Variants in AGBL4 observed in about 807,000 individuals in gnomAD.
The protein encoded by AGBL4 is AGBL carboxypeptidase 4.
A neutral mutation model predicts 66.4 loss-of-function variants in AGBL4; 58 were observed. The ratio of observed to expected loss-of-function variants is 0.87; its 90% CI spans 0.71 to 1.09. AGBL4 has a LOEUF of 1.09. Ranked by LOEUF, AGBL4 falls within the 50% of genes least tolerant of loss-of-function variation. The pLI is 0.00. For synonymous variants in AGBL4, 234 were observed against 222.9 expected (o/e 1.05, Z -0.44); for missense variants, 579 against 631.0 (o/e 0.92, Z 0.88).
At chr1:49,088,351 A>G (rs1196436460) in intron 4 of AGBL4, among the ~76,000 whole-genome samples, 1 of 152,186 alleles carries the variant, frequency 6.6e-6, no homozygotes, top group Admixed American at 6.5e-5. Flanking sequence ...CAAAAAACCT[A>G]TCTCATATGC....
rs966438415 is a variant in AGBL4 at position 48,825,737 on chromosome 1, T to C, written c.634+41454A>G. The stretch of plus-strand genomic sequence containing the variant: ...AAGAAGTGGTAAAATGCATCATATA[T>C]GCAAGTACCAAGTGAAAAACTCAGA... On this transcript the variant is annotated intron_variant, in intron 6 of 13. Coordinates refer to ENST00000371839, the MANE Select transcript of AGBL4 (RefSeq NM_032785.4). Among the ~76,000 whole-genome samples, 5 of 152,266 alleles carry C rather than the reference T, an allele frequency of 3.3e-5. No homozygotes were observed. The East Asian group carries it at 9.7e-4, about 29-fold the overall frequency.
chr1:49,222,725 C>A (rs1649594996), intron 4 of AGBL4, among the ~76,000 whole-genome samples: 2 of 152,134 alleles, frequency 1.3e-5, no homozygotes, highest in Admixed American at 6.6e-5. Flanking sequence ...TATGATAAAT[C>A]TTTATTTTGT....
rs532054496 is a variant in AGBL4, at chr1:49,859,384, T to C, written c.35-7866A>G. Among the ~76,000 whole-genome samples, 15 of 152,334 alleles carry C rather than the reference T, an allele frequency of 9.8e-5. No individual in the cohort carries two copies. In the South Asian group the frequency reaches 3.1e-3, roughly 32 times the overall value. On this transcript the variant is annotated intron_variant, in intron 1 of 13. Transcript: ENST00000371839. Reference sequence around the variant, plus strand: ...CCATCAGTCTGAGGAAAGTATATCATGACCAAGCACAATTTATCTTGGGTG... The same window carrying C: ...CCATCAGTCTGAGGAAAGTATATCACGACCAAGCACAATTTATCTTGGGTG...
chr1:49,790,361 C>T (rs1255821357), intron 2 of AGBL4, among the ~76,000 whole-genome samples: 4 of 86,062 alleles, frequency 4.6e-5, no homozygotes, highest in Non-Finnish European at 1.0e-4. Flanking sequence ...GAGATTCTAT[C>T]TCAAAAAAAA....
chr1:49,697,243 T>C lies in AGBL4; in HGVS notation c.282+70A>G, dbSNP rs192138875. 12 of 1,439,228 alleles carry C rather than the reference T, an allele frequency of 8.3e-6. No homozygotes were observed. The South Asian group carries it at 8.5e-5, about 10-fold the overall frequency. 89.2% of individuals were successfully genotyped at this position (1,439,228 alleles called of 1,614,324 possible). Reference sequence around the variant, plus strand: ...TCTTAATATAGTCATTATTTTGATATTTCTAAAAGAAGACAAAAGCATATT... The same window carrying C: ...TCTTAATATAGTCATTATTTTGATACTTCTAAAAGAAGACAAAAGCATATT... On this transcript the variant is annotated intron_variant, in intron 3 of 13. Transcript: ENST00000371839.
At chr1:48,548,589 G>A (rs1476177822) in intron 11 of AGBL4, among the ~76,000 whole-genome samples, 4 of 152,138 alleles carry the variant, frequency 2.6e-5, no homozygotes, top group African/African-American at 7.2e-5. Flanking sequence ...CCTGGCCTGC[G>A]GCCTCCCTTC....
chr1:49,801,976 T>A (rs1644871647), intron 2 of AGBL4, among the ~76,000 whole-genome samples: 1 of 152,212 alleles, frequency 6.6e-6, no homozygotes, highest in Non-Finnish European at 1.5e-5. Context: ...GAGCATTATC[T>A]TCTGTAGGGA....
chr1:49,947,785 T>C (rs1030421727), intron 1 of AGBL4, among the ~76,000 whole-genome samples: 1 of 148,902 alleles, frequency 6.7e-6, no homozygotes, highest in Non-Finnish European at 1.5e-5. Flanking sequence ...ACTGTATACC[T>C]AGAAAACCCT....
In AGBL4 at chr1:49,836,880, C is replaced by T. The variant is rs116233409; in HGVS notation, c.157+14516G>A. On this transcript the variant is annotated intron_variant, in intron 2 of 13. Coordinates refer to ENST00000371839, the MANE Select transcript of AGBL4 (RefSeq NM_032785.4). ...GAGTTTGCTGAAGGTCCATTCCAGA[C>T]CCATTTGCCTGAGTATCACCAGCGG... Among the ~76,000 whole-genome samples the T allele has an allele frequency of 5.7e-3, 866 of 152,292 alleles. 12 individuals carry two copies. Among genetic ancestry groups the T allele is most frequent in the African/African-American group, 0.02 (831 of 41,552 alleles).
intron 3 of AGBL4, among the ~76,000 whole-genome samples, chr1:49,319,383 A>C (rs1645093112): frequency 6.6e-6 from 1 of 152,212 alleles, no homozygotes; most frequent in African/African-American, 2.4e-5. Flanking sequence ...AATGTCATTA[A>C]CACAATAAAA....
At chr1:48,543,530 T>C (rs1644110779) in intron 11 of AGBL4, among the ~76,000 whole-genome samples, 2 of 152,052 alleles carry the variant, frequency 1.3e-5, no homozygotes, top group African/African-American at 2.4e-5. Context: ...TAGGTCATAG[T>C]GGAAAGGACA....
At chr1:49,083,103 G>A (rs1311935596) in intron 4 of AGBL4, among the ~76,000 whole-genome samples, 1 of 152,172 alleles carries the variant, frequency 6.6e-6, no homozygotes, top group Non-Finnish European at 1.5e-5. Context: ...GTAGTGTACA[G>A]CCACCCTCCT....
intron 6 of AGBL4, among the ~76,000 whole-genome samples, chr1:48,771,842 G>A (rs1168783288): frequency 6.6e-6 from 1 of 152,200 alleles, no homozygotes; most frequent in South Asian, 2.1e-4. Flanking sequence ...AAAGCAATAA[G>A]AACATGGCTT....
intron 1 of AGBL4, 51 bp from the exon 2 acceptor site, chr1:49,851,569 C>G: frequency 6.5e-7 from 1 of 1,529,822 alleles, no homozygotes; most frequent in Non-Finnish European, 8.8e-7. Context: ...CAATTGAAGT[C>G]TAGTCAGATT....
intron 4 of AGBL4, among the ~76,000 whole-genome samples, chr1:49,066,026 A>T (rs1385778384): frequency 1.3e-5 from 2 of 152,302 alleles, no homozygotes; most frequent in Admixed American, 1.3e-4. Flanking sequence ...CTGCAAGCTG[A>T]CAAGTTATTG....
intron 4 of AGBL4, among the ~76,000 whole-genome samples, chr1:49,236,807 G>T (rs909488952): frequency 6.6e-6 from 1 of 152,058 alleles, no homozygotes; most frequent in African/African-American, 2.4e-5. Context: ...TTTATAGTCA[G>T]TGATATGGTT....
intron 3 of AGBL4, among the ~76,000 whole-genome samples, chr1:49,389,046 A>C (rs1644795022): frequency 6.6e-6 from 1 of 152,174 alleles, no homozygotes; most frequent in African/African-American, 2.4e-5. Context: ...ACAATATGTT[A>C]AGAATGAAGA....
chr1:48,867,257 C>T, intron 5 of AGBL4, 27 bp from the exon 6 acceptor site: 1 of 1,612,546 alleles, frequency 6.2e-7, no homozygotes, highest in Non-Finnish European at 8.5e-7. Flanking sequence ...ACTGTGAGGG[C>T]ACTGATTTGA....
At chr1:49,781,094 A>G (rs1644326683) in intron 2 of AGBL4, among the ~76,000 whole-genome samples, 2 of 152,172 alleles carry the variant, frequency 1.3e-5, no homozygotes, top group South Asian at 4.1e-4. Context: ...TATATAATTC[A>G]AAATGTTATA....
Sources: allele counts gnomAD v4.1 joint callset (sites outside exome capture counted in the v4.1 genomes callset), GRCh38; gene constraint gnomAD v4.1.1; transcripts MANE v1.5; gene names NCBI Gene and HGNC (gene_info 2026-07-23, HGNC 2026-07-21).